MCF2L: variants seen among roughly 807,000 people sequenced by gnomAD.
The protein encoded by MCF2L is MCF.2 cell line derived transforming sequence like.
MCF2L carries 97 observed loss-of-function variants against 153.4 expected under a neutral mutation model. The ratio of observed to expected loss-of-function variants is 0.63; its 90% CI spans 0.54 to 0.75. MCF2L has a LOEUF of 0.75. MCF2L is among the 30% of genes least tolerant of loss of function. The pLI, the probability that MCF2L is intolerant of heterozygous loss-of-function variation, is 0.00. For missense variants in MCF2L, 1,347 were observed against 1,495.2 expected (o/e 0.90, Z 1.64); for synonymous variants, 659 against 632.2 (o/e 1.04, Z -0.64).
chr13:113,081,578 G>A (rs2034140658), intron 16 of MCF2L, among the ~76,000 whole-genome samples: 1 of 152,256 alleles, frequency 6.6e-6, no homozygotes, highest in African/African-American at 2.4e-5. Context: ...AGGCCACAGG[G>A]TGCCTGCGAT....
chr13:113,066,036 C>G lies in MCF2L; in HGVS notation c.757-10C>G, dbSNP rs753504825. On this transcript the variant is annotated splice_polypyrimidine_tract_variant and intron_variant, in intron 7 of 29. Transcript: ENST00000535094. ...CGGGGCCGGGACATGAGGCTGCATT[C>G]TCTCCACAGGAGGATTTGAGGCTGG... is the stretch of plus-strand genomic sequence containing the variant. 6.2e-7 allele frequency: 1 copy of G among 1,612,196 alleles called. No homozygotes were observed. The highest frequency in any genetic ancestry group is 1.1e-5 in the South Asian group (1 of 90,886).
intron 2 of MCF2L, chr13:112,916,986 C>T (rs2081299062): frequency 4.5e-6 from 2 of 445,692 alleles, no homozygotes; most frequent in Admixed American, 4.8e-5. Flanking sequence ...TGTCCCCATC[C>T]CTCTTCCCAC....
chr13:112,979,002 G>A (rs2082306636), intron 1 of MCF2L, among the ~76,000 whole-genome samples: 1 of 152,234 alleles, frequency 6.6e-6, no homozygotes, highest in South Asian at 2.1e-4. Context: ...AAGCAGCCAT[G>A]GGGCAGAGGG....
At chr13:113,016,129 C>T (rs1354021039) in intron 2 of MCF2L, among the ~76,000 whole-genome samples, 1 of 152,182 alleles carries the variant, frequency 6.6e-6, no homozygotes, top group Admixed American at 6.5e-5. Context: ...GTTCCTCAGA[C>T]GCCAGCCCAG....
rs757991349 is a variant in MCF2L at position 113,074,591 on chromosome 13, G to A, written c.1116+28G>A. The A allele has an allele frequency of 8.7e-6, 14 of 1,610,042 alleles. No homozygotes were observed. The highest frequency in any genetic ancestry group is 5.0e-5 in the Admixed American group (3 of 59,960). On this transcript the variant is annotated intron_variant, in intron 10 of 29. Coordinates refer to ENST00000535094, the MANE Select transcript of MCF2L (RefSeq NM_001112732.3). The surrounding 1 kb of genome is among the most constrained non-coding windows in gnomAD (Gnocchi z 4.2). ...AAGGCGGGGTCCCGGCGGGGGCGGC[G>A]GGAGAGTGTGGGCAGCATCATCAAG... is the stretch of plus-strand genomic sequence containing the variant.
In MCF2L at chr13:113,097,791, T is replaced by C. The variant is rs1436916638; in HGVS notation, c.*932T>C. The C allele has an allele frequency of 6.6e-6, 1 of 152,090 alleles. No homozygotes were observed. Among genetic ancestry groups the C allele is most frequent in the Admixed American group, 6.5e-5 (1 of 15,276 alleles). 9.4% of individuals were successfully genotyped at this position (152,090 alleles called of 1,614,324 possible). Reference sequence around the variant, plus strand: ...GTGGACCAGTGCTGCCGACCATAGCTCAGAGAGCCCTGCCCCTGCCTCACT... The same window carrying C: ...GTGGACCAGTGCTGCCGACCATAGCCCAGAGAGCCCTGCCCCTGCCTCACT... On this transcript the variant is annotated 3_prime_UTR_variant, in exon 30 of 30. Coordinates refer to ENST00000535094, the MANE Select transcript of MCF2L (RefSeq NM_001112732.3).
intron 3 of MCF2L, among the ~76,000 whole-genome samples, chr13:113,039,955 G>A (rs996000770): frequency 3.9e-5 from 6 of 152,192 alleles, no homozygotes; most frequent in Non-Finnish European, 5.9e-5. Flanking sequence ...ATTGTCTTAT[G>A]TTCAGTTTAG....
At chr13:113,060,506 G>A (rs1416483006) in intron 4 of MCF2L, 87 bp from the exon 5 acceptor site, 20 of 1,531,988 alleles carry the variant, frequency 1.3e-5, no homozygotes, top group African/African-American at 5.5e-5. Flanking sequence ...GCGCGCCCCC[G>A]GTCAGCCCAG....
intron 2 of MCF2L, among the ~76,000 whole-genome samples, chr13:112,906,367 C>T (rs2081172865): frequency 6.6e-6 from 1 of 152,230 alleles, no homozygotes; most frequent in Non-Finnish European, 1.5e-5. Flanking sequence ...GCAGGATTTG[C>T]AGGTGAATGG....
intron 2 of MCF2L, chr13:112,917,085 A>G (rs879827935): frequency 4.2e-6 from 2 of 470,970 alleles, no homozygotes; most frequent in Non-Finnish European, 8.8e-6. Flanking sequence ...TCCTGTCTAA[A>G]CCTGCCTGAT....
At chr13:113,091,509 C>A (rs1006086498) in intron 26 of MCF2L, among the ~76,000 whole-genome samples, 10 of 152,224 alleles carry the variant, frequency 6.6e-5, no homozygotes, top group Non-Finnish European at 1.3e-4. Context: ...TGGGGTCTCA[C>A]TGCCCAGTGG....
Position 113,084,773 on chromosome 13 carries a change from G to A in MCF2L, c.2062-119G>A, listed in dbSNP as rs536556157. The A allele has an allele frequency of 2.3e-3, 1,769 of 779,396 alleles. 43 individuals carry two copies. The Admixed American group carries it at 0.033, about 14-fold the overall frequency. The allele number at this position is 779,396 out of a possible 1,614,324, so 48.3% of individuals were successfully genotyped here. A position where few individuals can be genotyped will look rare whatever the true frequency, so the allele number is the denominator to read the frequency against. ...GCCAGCAGCAATGCCTCGCAGGGCC[G>A]GGAAGACGCTGCGTGATGCGGTGCC... On this transcript the variant is annotated intron_variant, in intron 18 of 29. Transcript: ENST00000535094.
Position 113,065,036 on chromosome 13 carries a change from C to G in MCF2L, c.707C>G (p.Ser236Trp), listed in dbSNP as rs374362212. 3 of 1,611,626 alleles carry G rather than the reference C, an allele frequency of 1.9e-6. No individual in the cohort carries two copies. The highest frequency in any genetic ancestry group is 2.5e-6 in the Non-Finnish European group (3 of 1,179,932). Residue 236 changes from serine (S) to tryptophan (W), a missense_variant, in exon 7 of 30, where the codon TCG (serine) becomes TGG (tryptophan). Ser to Trp is a radical substitution (Grantham distance 177). This residue lies in a region of MCF2L where 820 missense variants were observed against 921.2 expected (regional missense o/e 0.89). Transcript: ENST00000535094. ...AETELPNDVQSTSSVLCAHTE... is the reference protein window; with the variant it reads ...AETELPNDVQWTSSVLCAHTE... ...ACAGAGCTGCCCAATGACGTCCAGT[C>G]GACAAGCTCAGTGCTGTGTGCGCAC...
chr13:113,072,415 G>A (rs1419501035), intron 9 of MCF2L, among the ~76,000 whole-genome samples: 1 of 152,176 alleles, frequency 6.6e-6, no homozygotes, highest in Non-Finnish European at 1.5e-5. Flanking sequence ...GGACATCTCT[G>A]CTTTGTCCCC....
exon 2 of MCF2L, chr13:112,902,228 T>C: frequency 1.2e-6 from 2 of 1,612,888 alleles, no homozygotes; most frequent in Non-Finnish European, 8.5e-7. Context: ...AGATTTATCC[T>C]GTGCAAGAGA....
At chr13:112,924,837 A>G (rs960094279) in intron 2 of MCF2L, among the ~76,000 whole-genome samples, 1 of 152,214 alleles carries the variant, frequency 6.6e-6, no homozygotes, top group Non-Finnish European at 1.5e-5. Context: ...AATTTTCTAT[A>G]CAGCCTCTTT....
chr13:112,972,561 T>C (rs1031733803), intron 1 of MCF2L, among the ~76,000 whole-genome samples: 1 of 138,468 alleles, frequency 7.2e-6, no homozygotes, highest in Non-Finnish European at 1.6e-5. Flanking sequence ...AATAGATAAA[T>C]GGAGGATGAT....
At chr13:113,052,260 G>A (rs773234979) in intron 4 of MCF2L, among the ~76,000 whole-genome samples, 25 of 152,296 alleles carry the variant, frequency 1.6e-4, no homozygotes, top group Admixed American at 2.0e-4. Flanking sequence ...TCTGAGACCC[G>A]GGCTCGCTCA....
chr13:112,997,709 C>T (rs769654894), intron 1 of MCF2L, among the ~76,000 whole-genome samples: 9 of 152,230 alleles, frequency 5.9e-5, no homozygotes, highest in Admixed American at 1.3e-4. Context: ...CACCCTCGTC[C>T]GTCACACCTG....
Sources: allele counts gnomAD v4.1 joint callset (sites outside exome capture counted in the v4.1 genomes callset), GRCh38; gene constraint gnomAD v4.1.1; regional missense constraint gnomAD v4.1.1; non-coding constraint Gnocchi (gnomAD v3.1); transcripts MANE v1.5; gene names NCBI Gene and HGNC (gene_info 2026-07-23, HGNC 2026-07-21).